The following DAW1 variants were observed in gnomAD, a reference collection of about 807,000 sequenced individuals.
DAW1 encodes the protein dynein assembly factor with WD repeat domains 1.
Under a neutral mutation model 56.5 loss-of-function variants are expected in DAW1, and 47 were observed. The observed-to-expected ratio is 0.83, with a 90% CI of 0.66 to 1.06. The LOEUF (loss-of-function observed/expected upper bound fraction) is 1.06. Among genes scored for constraint, DAW1 ranks in the 50% least tolerant of loss-of-function variants. The pLI is 0.00. For missense variants in DAW1, 505 were observed against 499.3 expected, an observed-to-expected ratio of 1.01 and a Z score of -0.11; for synonymous variants, 190 against 179.0, an observed-to-expected ratio of 1.06 and a Z score of -0.49.
rs551120698 is a variant in DAW1, at chr2:227,875,168, C to T, written c.40+3439C>T. ...CCAAACATTTTGGACTCTTCCTTGT[C>T]TCTCTCTCATCTCCACATCCACTAA... On this transcript the variant is annotated intron_variant, in intron 1 of 12. Transcript: ENST00000309931. Among the ~76,000 whole-genome samples the T allele has an allele frequency of 2.6e-5, 4 of 152,164 alleles. 1 individual carries two copies. Among genetic ancestry groups the T allele is most frequent in the African/African-American group, 9.6e-5 (4 of 41,494 alleles).
intron 1 of DAW1, among the ~76,000 whole-genome samples, chr2:227,873,197 C>T (rs746511990): frequency 6.6e-6 from 1 of 152,194 alleles, no homozygotes; most frequent in East Asian, 1.9e-4. Flanking sequence ...CAATGTCAAC[C>T]ACCTGAAGAG....
Position 227,898,281 on chromosome 2 carries a change from A to G in DAW1, c.540A>G (p.Ile180Met), listed in dbSNP as rs1478256173. Residue 180 changes from isoleucine to methionine, a missense_variant and splice_region_variant, in exon 6 of 13, where the codon ATA (isoleucine) becomes ATG (methionine). By Grantham distance (10) the Ile-to-Met change is conservative (BLOSUM62 1). Coordinates refer to ENST00000309931, the MANE Select transcript of DAW1 (RefSeq NM_178821.3). ...CCTTCAGGGGTCATACAGCAGAAATAGTGAGTATATTTAACAATTTATTAT... is the reference window on the plus strand; with the variant it reads ...CCTTCAGGGGTCATACAGCAGAAATGGTGAGTATATTTAACAATTTATTAT... ...YHTFRGHTAEIVCLSFNPQST... is the reference protein window; with the variant it reads ...YHTFRGHTAEMVCLSFNPQST... 3.4e-6 allele frequency: 5 copies of G among 1,471,686 alleles called. No homozygotes were observed. In the African/African-American group the frequency reaches 7.0e-5, roughly 21 times the overall value. 91.2% of individuals were successfully genotyped at this position (1,471,686 alleles called of 1,614,324 possible). A position where few individuals can be genotyped will look rare whatever the true frequency, so the allele number is the denominator to read the frequency against.
At chr2:227,873,626 CA>C (rs1480029607) in intron 1 of DAW1, among the ~76,000 whole-genome samples, 2 of 152,010 alleles carry the variant, frequency 1.3e-5, no homozygotes, top group African/African-American at 4.8e-5. Flanking sequence ...CATAGAATTC[CA>C]GTTAAAATAA....
intron 10 of DAW1, chr2:227,912,105 C>T (rs1574668749): frequency 2.8e-6 from 1 of 355,406 alleles, no homozygotes; most frequent in East Asian, 7.4e-5. Context: ...CTATGCCATA[C>T]CATACCATAC....
intron 4 of DAW1, among the ~76,000 whole-genome samples, chr2:227,893,080 C>T (rs916570079): frequency 5.3e-5 from 8 of 150,174 alleles, no homozygotes; most frequent in Non-Finnish European, 5.9e-5. Context: ...CCAGCCTGGC[C>T]AACACAGTGA....
At chr2:227,913,881 ATCTGTCTG>A (rs71422211) in intron 10 of DAW1, among the ~76,000 whole-genome samples, 2,884 of 120,448 alleles carry the variant, frequency 0.024, 39 homozygotes, top group Non-Finnish European at 0.028. Flanking sequence ...ATATCTATCT[ATCTGTCTG>A]TCTGTCTGTC....
intron 1 of DAW1, among the ~76,000 whole-genome samples, chr2:227,881,406 G>C (rs2106187868): frequency 6.6e-6 from 1 of 152,278 alleles, no homozygotes; most frequent in Non-Finnish European, 1.5e-5. Context: ...GCCCTGAGAA[G>C]GGTCTTTTTG....
At chr2:227,909,184 C>G (rs1691757926) in intron 10 of DAW1, among the ~76,000 whole-genome samples, 1 of 151,460 alleles carries the variant, frequency 6.6e-6, no homozygotes, top group Non-Finnish European at 1.5e-5. Context: ...GCCAACATGT[C>G]TGCAGGGTCC....
intron 3 of DAW1, 113 bp from the exon 4 acceptor site, chr2:227,891,142 C>A: frequency 1.1e-6 from 1 of 872,084 alleles, no homozygotes; most frequent in Non-Finnish European, 1.8e-6. Context: ...TCAGATATTG[C>A]CTGTTTCTGA....
At chr2:227,890,237 T>C (rs1691231265) in intron 3 of DAW1, among the ~76,000 whole-genome samples, 1 of 152,198 alleles carries the variant, frequency 6.6e-6, no homozygotes. Flanking sequence ...CATATAATGA[T>C]AAATTTAAAG....
rs376368035 is a variant in DAW1, at chr2:227,903,390, G to T, written c.648+281G>T. ...TCTGGCTAAAAGGAAAGCAGGTGGA[G>T]GCTGGCACTTTTGGAAGAGGCAGAA... On this transcript the variant is annotated intron_variant, in intron 7 of 12. Coordinates refer to ENST00000309931, the MANE Select transcript of DAW1 (RefSeq NM_178821.3). Among the ~76,000 whole-genome samples, 3 of 152,208 alleles carry T rather than the reference G, an allele frequency of 2.0e-5. No homozygotes were observed. In the East Asian group the frequency reaches 5.8e-4, roughly 29 times the overall value.
chr2:227,887,933 T>G (rs1351871260), intron 2 of DAW1, among the ~76,000 whole-genome samples: 2 of 152,064 alleles, frequency 1.3e-5, no homozygotes, highest in Non-Finnish European at 2.9e-5. Flanking sequence ...GTGTAGATTA[T>G]CTGGTTAATT....
chr2:227,892,105 C>T (rs1057454421), intron 4 of DAW1, among the ~76,000 whole-genome samples: 6 of 152,048 alleles, frequency 3.9e-5, no homozygotes, highest in Non-Finnish European at 8.8e-5. Flanking sequence ...AGGGCCCACC[C>T]TACTGCGGCA....
In DAW1 at chr2:227,876,384, T is replaced by G. The variant is rs1010115535; in HGVS notation, c.40+4655T>G. The G allele has an allele frequency of 2.4e-6, 3 of 1,243,966 alleles. No individual in the cohort carries two copies. In the Admixed American group the frequency reaches 7.4e-5, roughly 31 times the overall value. The allele number at this position is 1,243,966 out of a possible 1,614,324, so 77.1% of individuals were successfully genotyped here. A position where few individuals can be genotyped will look rare whatever the true frequency, so the allele number is the denominator to read the frequency against. On this transcript the variant is annotated intron_variant, in intron 1 of 12. Transcript: ENST00000309931. ...ATGTTTGCGACTATTGCCTTAATGC[T>G]TATCTTATAATGAGGTCATATTACT... is the stretch of plus-strand genomic sequence containing the variant.
chr2:227,880,699 C>T lies in DAW1; in HGVS notation c.41-4652C>T, dbSNP rs548847758. ...TTACCTGTTTAGGTTTCAGCACATC[C>T]GCGCAGCAAGACAGGGTTGAGAAAA... On this transcript the variant is annotated intron_variant, in intron 1 of 12. Transcript: ENST00000309931. Among the ~76,000 whole-genome samples the T allele has an allele frequency of 7.9e-5, 12 of 152,306 alleles. No homozygotes were observed. The East Asian group carries it at 1.5e-3, about 20-fold the overall frequency.
intron 11 of DAW1, 42 bp from the exon 12 acceptor site, chr2:227,921,357 C>G: frequency 2.4e-6 from 1 of 421,746 alleles, no homozygotes; most frequent in Non-Finnish European, 3.9e-6. Flanking sequence ...GTTTTGGGAA[C>G]CATTACACAA....
intron 10 of DAW1, among the ~76,000 whole-genome samples, chr2:227,914,987 A>C (rs1691917736): frequency 6.6e-6 from 1 of 151,888 alleles, no homozygotes; most frequent in African/African-American, 2.4e-5. Context: ...TGACTTTTTC[A>C]CCTCCTTGAG....
chr2:227,876,656 G>T (rs1690890460), intron 1 of DAW1, among the ~76,000 whole-genome samples: 1 of 152,112 alleles, frequency 6.6e-6, no homozygotes, highest in Non-Finnish European at 1.5e-5. Context: ...TAGGTCAGGG[G>T]CATTGTCTTG....
intron 7 of DAW1, 47 bp downstream of exon 7, chr2:227,903,156 T>G: frequency 6.3e-7 from 1 of 1,584,476 alleles, no homozygotes. Context: ...TCATTCTTAT[T>G]TGTGTTTTTG....
Sources: allele counts gnomAD v4.1 joint callset (sites outside exome capture counted in the v4.1 genomes callset), GRCh38; gene constraint gnomAD v4.1.1; transcripts MANE v1.5; gene names NCBI Gene and HGNC (gene_info 2026-07-23, HGNC 2026-07-21).